SLC48A1: variants seen among roughly 807,000 people sequenced by gnomAD.
SLC48A1 encodes the protein solute carrier family 48 member 1.
A neutral mutation model predicts 14.8 loss-of-function variants in SLC48A1; 6 were observed. The ratio of observed to expected loss-of-function variants is 0.41; its 90% CI spans 0.22 to 0.80. The LOEUF (loss-of-function observed/expected upper bound fraction) is 0.80, where lower values mean the gene tolerates loss of function less well. SLC48A1 is among the 30% of genes least tolerant of loss of function. The pLI, the probability that SLC48A1 is intolerant of heterozygous loss-of-function variation, is 0.34. For synonymous variants in SLC48A1, 89 were observed against 90.0 expected, an observed-to-expected ratio of 0.99 and a Z score of 0.06; for missense variants, 165 against 204.8, an observed-to-expected ratio of 0.81 and a Z score of 1.19.
At chr12:47,763,024 C>A (rs1211077950) in intron 2 of SLC48A1, among the ~76,000 whole-genome samples, 4 of 152,200 alleles carry the variant, frequency 2.6e-5, no homozygotes, top group Non-Finnish European at 5.9e-5. Context: ...GCTCTCCCTC[C>A]CCAGCACAGT....
chr12:47,773,189 G>T (rs1942662929), upstream of SLC48A1: 9 of 999,314 alleles, frequency 9.0e-6, no homozygotes, highest in Admixed American at 6.1e-5. Flanking sequence ...GGCCGGGGGC[G>T]GAGCGCGGGG....
upstream of SLC48A1, among the ~76,000 whole-genome samples, chr12:47,754,805 G>A (rs922309569): frequency 5.9e-5 from 9 of 152,174 alleles, no homozygotes; most frequent in African/African-American, 2.2e-4. Flanking sequence ...CAGCTGATAT[G>A]AGTCAAGGTG....
At chr12:47,757,745 A>C, upstream of SLC48A1, 10 of 923,104 alleles carry the variant, frequency 1.1e-5, no homozygotes. Context: ...TGTCCACGGC[A>C]GCTGTACCAC....
chr12:47,781,143 G>A lies in SLC48A1; in HGVS notation c.*862G>A. The A allele has an allele frequency of 9.3e-6, 3 of 321,272 alleles. No individual in the cohort carries two copies. Among genetic ancestry groups the A allele is most frequent in the South Asian group, 7.0e-5 (3 of 42,638 alleles). The allele number at this position is 321,272 out of a possible 1,614,324, so 19.9% of individuals were successfully genotyped here. A position where few individuals can be genotyped will look rare whatever the true frequency, so the allele number is the denominator to read the frequency against. ...CCCATGAGTGTGCTAGAGCCAGATA[G>A]CCGTGGCCCCCCACCCATCTCACTC... On this transcript the variant is annotated 3_prime_UTR_variant, in exon 3 of 3. Transcript: ENST00000442218.
At chr12:47,762,794 G>A (rs571111682) in intron 2 of SLC48A1, among the ~76,000 whole-genome samples, 4 of 152,104 alleles carry the variant, frequency 2.6e-5, no homozygotes, top group African/African-American at 4.8e-5. Flanking sequence ...CTCCTGCCCC[G>A]ATTGCTACTC....
Position 47,780,232 on chromosome 12 carries a change from A to T in SLC48A1, c.392A>T (p.His131Leu), listed in dbSNP as rs962387533. 6.8e-6 allele frequency: 11 copies of T among 1,614,030 alleles called. No individual in the cohort carries two copies. Among genetic ancestry groups the T allele is most frequent in the South Asian group, 4.4e-5 (4 of 91,086 alleles). ...GCCTTCCTGCTCAGCCTCTATGCCC[A>T]CCGCTACCGGGCTGACTTTGCTGAC... ...KWAFLLSLYA[H>L]RYRADFADIS... The change falls in exon 3 of 3, where the codon CAC (histidine) becomes CTC (leucine). Residue 131 changes from histidine (H) to leucine (L), a missense_variant. Coordinates refer to ENST00000442218, the MANE Select transcript of SLC48A1 (RefSeq NM_017842.3).
chr12:47,775,743 A>G (rs3782908), intron 1 of SLC48A1, among the ~76,000 whole-genome samples: 39,453 of 152,044 alleles, frequency 0.26, 6,020 homozygotes, highest in East Asian at 0.43. Flanking sequence ...GACTGATTGG[A>G]TGTGCCAGTT....
upstream of SLC48A1, chr12:47,758,550 C>T (rs376746774): frequency 3.1e-6 from 5 of 1,613,808 alleles, no homozygotes; most frequent in African/African-American, 4.0e-5. Flanking sequence ...ACCTTACCCA[C>T]CTTCATGTTT....
At chr12:47,767,037 T>C (rs1942529617), upstream of SLC48A1, among the ~76,000 whole-genome samples, 1 of 152,050 alleles carries the variant, frequency 6.6e-6, no homozygotes. Flanking sequence ...TTCTGCTCTG[T>C]GGTCTACAAG....
intron 2 of SLC48A1, chr12:47,760,409 TG>T: frequency 6.1e-6 from 6 of 985,286 alleles, no homozygotes; most frequent in Non-Finnish European, 6.0e-6. Flanking sequence ...CAGGTATGCA[TG>T]GGGAAGAGTT....
intron 2 of SLC48A1, among the ~76,000 whole-genome samples, chr12:47,763,125 T>C (rs1351519487): frequency 6.6e-6 from 1 of 152,218 alleles, no homozygotes; most frequent in Non-Finnish European, 1.5e-5. Context: ...TATGGGCCTG[T>C]AGCCTCAGCA....
intron 2 of SLC48A1, among the ~76,000 whole-genome samples, chr12:47,765,629 C>T (rs560459588): frequency 1.6e-3 from 248 of 152,344 alleles, no homozygotes; most frequent in Non-Finnish European, 1.0e-3. Context: ...CTGAGTCTGG[C>T]TCTGCACCCA....
chr12:47,778,717 T>C, intron 1 of SLC48A1: 1 of 309,938 alleles, frequency 3.2e-6, no homozygotes, highest in East Asian at 6.0e-5. Context: ...TTTAAAGTAA[T>C]ACTAAAAATA....
intron 2 of SLC48A1, among the ~76,000 whole-genome samples, chr12:47,763,816 A>G (rs1942447232): frequency 6.6e-6 from 1 of 152,206 alleles, no homozygotes; most frequent in Admixed American, 6.5e-5. Context: ...TGGGGCTCAC[A>G]GTCAGGGCTG....
In SLC48A1 at chr12:47,780,783, T is replaced by G. The variant is rs766965937; in HGVS notation, c.*502T>G. On this transcript the variant is annotated 3_prime_UTR_variant, in exon 3 of 3. Coordinates refer to ENST00000442218, the MANE Select transcript of SLC48A1 (RefSeq NM_017842.3). ...GGTTTTGCCATGTTGGCCAGGCTGGTCTCGAACTCCTGATCTCAGGTGATT... is the reference window on the plus strand; with the variant it reads ...GGTTTTGCCATGTTGGCCAGGCTGGGCTCGAACTCCTGATCTCAGGTGATT... The G allele has an allele frequency of 2.2e-6, 1 of 450,468 alleles. No individual in the cohort carries two copies. Among genetic ancestry groups the G allele is most frequent in the Non-Finnish European group, 4.5e-6 (1 of 223,186 alleles). The allele number at this position is 450,468 out of a possible 1,614,324, so 27.9% of individuals were successfully genotyped here. A position where few individuals can be genotyped will look rare whatever the true frequency, so the allele number is the denominator to read the frequency against.
At chr12:47,768,109 C>T (rs1177883291), upstream of SLC48A1, among the ~76,000 whole-genome samples, 1 of 152,168 alleles carries the variant, frequency 6.6e-6, no homozygotes, top group Non-Finnish European at 1.5e-5. Context: ...TCCCAAGTAG[C>T]TGGTATTACA....
In SLC48A1 at chr12:47,777,576, A is replaced by T. The variant is rs752826762; in HGVS notation, c.137-1452A>T. On this transcript the variant is annotated intron_variant, in intron 1 of 2. Coordinates refer to ENST00000442218, the MANE Select transcript of SLC48A1 (RefSeq NM_017842.3). The surrounding 1 kb of genome is among the most constrained non-coding windows in gnomAD (Gnocchi z 4.5). ...CTCATGGGTTTTTGTTCCTCACTGGACTGTCTGGGGACAGCCAAACTGGGA... is the reference window on the plus strand; with the variant it reads ...CTCATGGGTTTTTGTTCCTCACTGGTCTGTCTGGGGACAGCCAAACTGGGA... Among the ~76,000 whole-genome samples, 6 of 152,140 alleles carry T rather than the reference A, an allele frequency of 3.9e-5. No homozygotes were observed. Among genetic ancestry groups the T allele is most frequent in the Non-Finnish European group, 8.8e-5 (6 of 68,010 alleles).
chr12:47,778,964 G>A (rs747757937), intron 1 of SLC48A1, 64 bp from the exon 2 acceptor site: 61 of 1,491,052 alleles, frequency 4.1e-5, no homozygotes, highest in Admixed American at 2.7e-4. Flanking sequence ...AATAGGCCTG[G>A]TCTAGTGGAT....
In SLC48A1 at chr12:47,781,941, TG is replaced by T. The variant is rs1942891007; in HGVS notation, c.*1661del. On this transcript the variant is annotated 3_prime_UTR_variant, in exon 3 of 3. Transcript: ENST00000442218. ...TAGCACACCCCAGCCAGGGCAAGGA[TG>T]CCCACGGGCATAGCTACAGCAACCC... is the stretch of plus-strand genomic sequence containing the variant. The T allele has an allele frequency of 6.6e-6, 1 of 152,540 alleles. No individual in the cohort carries two copies. Among genetic ancestry groups the T allele is most frequent in the African/African-American group, 2.4e-5 (1 of 41,470 alleles). 9.4% of individuals were successfully genotyped at this position (152,540 alleles called of 1,614,324 possible).
Sources: gnomAD v4.1 joint callset for allele counts (sites outside exome capture counted in the v4.1 genomes callset) on GRCh38, gnomAD v4.1.1 for gene constraint, Gnocchi (gnomAD v3.1) non-coding constraint, MANE v1.5 for transcripts, NCBI Gene and HGNC (gene_info 2026-07-23, HGNC 2026-07-21) for gene names.